Variants in WASF2 observed in about 807,000 individuals in gnomAD.
WASF2 encodes actin-binding protein WASF2.
In WASF2, 14 loss-of-function variants were observed where a neutral mutation model predicts 45.0. The observed-to-expected ratio is 0.31, with a 90% CI of 0.21 to 0.49. The LOEUF is 0.49. Ranked by LOEUF, WASF2 falls within the 20% of genes least tolerant of loss-of-function variation. The pLI is 0.99. For synonymous variants in WASF2, 200 were observed against 236.3 expected (o/e 0.85, Z 1.41); for missense variants, 439 against 636.1 (o/e 0.69, Z 3.33).
At chr1:27,446,904 G>C (rs1571143612) in intron 1 of WASF2, among the ~76,000 whole-genome samples, 1 of 152,074 alleles carries the variant, frequency 6.6e-6, no homozygotes, top group African/African-American at 2.4e-5. Context: ...CATTCTTCTT[G>C]CTCTCTGGTC....
At chr1:27,470,733 T>A (rs921357519) in intron 1 of WASF2, among the ~76,000 whole-genome samples, 12 of 152,064 alleles carry the variant, frequency 7.9e-5, no homozygotes, top group Non-Finnish European at 1.5e-4. Flanking sequence ...CCTCACAAGG[T>A]TCTGAAGAAC....
intron 6 of WASF2, 96 bp from the exon 7 acceptor site, chr1:27,412,823 G>A: frequency 7.0e-7 from 1 of 1,426,004 alleles, no homozygotes; most frequent in Non-Finnish European, 9.8e-7. Context: ...TGATACAAAA[G>A]CTATTAGGGA....
At position 27,460,486 on chromosome 1, in the gene WASF2, T is replaced by C. The variant is rs541323860; in HGVS notation, c.-44+29500A>G. 4.6e-5 allele frequency among the ~76,000 whole-genome samples: 7 copies of C among 152,320 alleles called. No individual in the cohort carries two copies. The East Asian group carries it at 9.6e-4, about 21-fold the overall frequency. On this transcript the variant is annotated intron_variant, in intron 1 of 8. Transcript: ENST00000618852. ...AAGCAATTATCATGTCCTGTCACAT[T>C]TGTGAAAACTAAACTCTGCCAAGAG...
chr1:27,425,972 C>T (rs937952456), intron 2 of WASF2, among the ~76,000 whole-genome samples: 4 of 151,828 alleles, frequency 2.6e-5, no homozygotes, highest in Admixed American at 6.6e-5. Context: ...CCCGAGATCT[C>T]GCCATTGCAC....
At chr1:27,443,702 A>C in intron 1 of WASF2, among the ~76,000 whole-genome samples, 1 of 152,326 alleles carries the variant, frequency 6.6e-6, no homozygotes, top group Non-Finnish European at 1.5e-5. Flanking sequence ...CACTAGCTAT[A>C]TGACCTTAGG....
chr1:27,472,747 G>A (rs1203590436), intron 1 of WASF2, among the ~76,000 whole-genome samples: 3 of 150,004 alleles, frequency 2.0e-5, no homozygotes, highest in African/African-American at 2.5e-5. Context: ...GATTGCTTGA[G>A]GCCAGGAGTT....
chr1:27,421,381 TTAAAAA>T (rs1313748483), intron 2 of WASF2, among the ~76,000 whole-genome samples: 1 of 152,178 alleles, frequency 6.6e-6, no homozygotes, highest in East Asian at 1.9e-4. Context: ...AAAATATCTG[TTAAAAA>T]TAAAAGAAGG....
At chr1:27,487,689 A>T (rs1424381955) in intron 1 of WASF2, among the ~76,000 whole-genome samples, 1 of 111,766 alleles carries the variant, frequency 8.9e-6, no homozygotes, top group Non-Finnish European at 1.7e-5. Flanking sequence ...TATAATATAT[A>T]ATATATATTT....
chr1:27,476,282 TCA>T (rs1211948100), intron 1 of WASF2, among the ~76,000 whole-genome samples: 1 of 152,194 alleles, frequency 6.6e-6, no homozygotes, highest in Non-Finnish European at 1.5e-5. Context: ...GTTTCACTGC[TCA>T]CAGTTCTGCA....
chr1:27,452,918 G>T (rs1403535798), intron 1 of WASF2, among the ~76,000 whole-genome samples: 4 of 150,646 alleles, frequency 2.7e-5, no homozygotes, highest in East Asian at 2.0e-4. Flanking sequence ...TGTTTAAGAA[G>T]AATATTGCCA....
intron 1 of WASF2, among the ~76,000 whole-genome samples, chr1:27,470,393 C>T (rs1020144292): frequency 6.6e-6 from 1 of 151,776 alleles, no homozygotes; most frequent in African/African-American, 2.4e-5. Flanking sequence ...ATAATCAAGG[C>T]AAAAGGTAAC....
intron 1 of WASF2, among the ~76,000 whole-genome samples, chr1:27,486,541 A>G (rs1227412363): frequency 6.6e-6 from 1 of 152,206 alleles, no homozygotes; most frequent in African/African-American, 2.4e-5. Context: ...AAAGCCAAAC[A>G]CATTATTATG....
chr1:27,440,161 C>G (rs1380542906), intron 1 of WASF2, among the ~76,000 whole-genome samples: 1 of 152,116 alleles, frequency 6.6e-6, no homozygotes, highest in Non-Finnish European at 1.5e-5. Context: ...GTCACAATTC[C>G]AATGGGTTTC....
chr1:27,438,632 G>A (rs2017168591), intron 1 of WASF2, among the ~76,000 whole-genome samples: 1 of 152,150 alleles, frequency 6.6e-6, no homozygotes, highest in Non-Finnish European at 1.5e-5. Flanking sequence ...GACACTTCAG[G>A]GCAATACACA....
chr1:27,446,446 T>C (rs773746434), intron 1 of WASF2, among the ~76,000 whole-genome samples: 2 of 152,172 alleles, frequency 1.3e-5, no homozygotes, highest in Non-Finnish European at 2.9e-5. Flanking sequence ...ATGAATTCTA[T>C]AGCATTCCAA....
intron 1 of WASF2, 37 bp downstream of exon 1, chr1:27,489,949 T>C (rs1157274370): frequency 6.6e-6 from 1 of 151,442 alleles, no homozygotes; most frequent in African/African-American, 2.4e-5. Flanking sequence ...GGCCCGCGCC[T>C]CCCAGCGGGG....
chr1:27,448,859 A>AG (rs2017344530), intron 1 of WASF2, among the ~76,000 whole-genome samples: 1 of 151,654 alleles, frequency 6.6e-6, no homozygotes, highest in East Asian at 1.9e-4. Flanking sequence ...AAAAAAAAAA[A>AG]AGGTCATCCA....
rs2016731169 is a variant in WASF2, at chr1:27,409,509, C to T, written c.1339+183G>A. On this transcript the variant is annotated intron_variant, in intron 8 of 8. Transcript: ENST00000618852. Reference sequence around the variant, plus strand: ...CCAAGGTGGAAAGAAATCTAAATCTCCATATTTTTAGGGTGAAGCCTTTTC... The same window carrying T: ...CCAAGGTGGAAAGAAATCTAAATCTTCATATTTTTAGGGTGAAGCCTTTTC... Among the ~76,000 whole-genome samples the T allele has an allele frequency of 2.0e-5, 3 of 151,178 alleles. No individual in the cohort carries two copies. In the South Asian group the frequency reaches 6.3e-4, roughly 32 times the overall value.
intron 1 of WASF2, among the ~76,000 whole-genome samples, chr1:27,429,998 C>T (rs2017039814): frequency 6.6e-6 from 1 of 152,168 alleles, no homozygotes; most frequent in South Asian, 2.1e-4. Context: ...GGCCAAAAGG[C>T]TCTAGAGACA....
Sources: allele counts gnomAD v4.1 joint callset (sites outside exome capture counted in the v4.1 genomes callset), GRCh38; gene constraint gnomAD v4.1.1; transcripts MANE v1.5; gene names NCBI Gene and HGNC (gene_info 2026-07-23, HGNC 2026-07-21).